ADGRV1: variants seen among roughly 807,000 people sequenced by gnomAD.
ADGRV1 encodes G-protein coupled receptor 98.
In ADGRV1, 359 loss-of-function variants were observed where a neutral mutation model predicts 596.2. That is an observed-to-expected ratio of 0.60 (90% CI 0.55 to 0.66). ADGRV1 has a LOEUF of 0.66. Among genes scored for constraint, ADGRV1 ranks in the 30% least tolerant of loss-of-function variants. The pLI is 0.00. For synonymous variants in ADGRV1, 2,681 were observed against 2,679.2 expected (o/e 1.00, Z -0.02); for missense variants, 7,274 against 7,575.6 (o/e 0.96, Z 1.48).
intron 85 of ADGRV1, among the ~76,000 whole-genome samples, chr5:91,054,740 C>G (rs910783616): frequency 1.3e-5 from 2 of 152,168 alleles, no homozygotes; most frequent in Admixed American, 1.3e-4. Context: ...CCCCAAAGCC[C>G]TTCCTCCTAA....
intron 84 of ADGRV1, 124 bp from the exon 85 acceptor site, chr5:90,985,219 AT>A: frequency 1.8e-6 from 1 of 546,308 alleles, no homozygotes; most frequent in Non-Finnish European, 3.0e-6. Context: ...ACTTAAAAAA[AT>A]CAAAACTAAT....
intron 85 of ADGRV1, among the ~76,000 whole-genome samples, chr5:91,019,939 T>G (rs181428975): frequency 6.6e-6 from 1 of 152,022 alleles, no homozygotes; most frequent in Non-Finnish European, 1.5e-5. Flanking sequence ...GCTTTCTCCC[T>G]GTATAATTGT....
intron 53 of ADGRV1, among the ~76,000 whole-genome samples, chr5:90,752,618 A>G (rs1007226420): frequency 8.5e-5 from 13 of 152,226 alleles, no homozygotes; most frequent in Non-Finnish European, 1.9e-4. Flanking sequence ...ATGTCCCTGC[A>G]AAAGACATGA....
At chr5:91,072,696 T>C in intron 86 of ADGRV1, 92 bp downstream of exon 86, 27 of 1,318,920 alleles carry the variant, frequency 2.0e-5, no homozygotes, top group Non-Finnish European at 2.8e-5. Context: ...AAGAGGGAAG[T>C]TCGGCTCATC....
intron 87 of ADGRV1, among the ~76,000 whole-genome samples, chr5:91,128,686 G>A (rs1793964753): frequency 6.6e-6 from 1 of 152,180 alleles, no homozygotes; most frequent in Non-Finnish European, 1.5e-5. Context: ...AATAGCATGG[G>A]TGGCAGGGGG....
At chr5:90,984,872 C>T (rs921147436) in intron 84 of ADGRV1, among the ~76,000 whole-genome samples, 3 of 152,172 alleles carry the variant, frequency 2.0e-5, no homozygotes, top group African/African-American at 4.8e-5. Context: ...TTGTCTTCAA[C>T]GTTATTTCCC....
At chr5:90,576,692 GTCT>G (rs934648754) in intron 1 of ADGRV1, among the ~76,000 whole-genome samples, 6 of 152,198 alleles carry the variant, frequency 3.9e-5, no homozygotes, top group African/African-American at 1.4e-4. Context: ...TCGCCACATT[GTCT>G]TCCACAATGG....
chr5:90,799,529 A>G (rs964746978), intron 70 of ADGRV1, among the ~76,000 whole-genome samples: 2 of 152,228 alleles, frequency 1.3e-5, no homozygotes, highest in Non-Finnish European at 2.9e-5. Context: ...ATTCAGTGCT[A>G]TCCCCATCAA....
chr5:90,580,250 C>T (rs1034287642), intron 1 of ADGRV1, among the ~76,000 whole-genome samples: 7 of 152,150 alleles, frequency 4.6e-5, no homozygotes, highest in Non-Finnish European at 8.8e-5. Context: ...TGGCTGGTAC[C>T]GATTGTTCCT....
chr5:90,612,977 A>G (rs1383866890), intron 1 of ADGRV1, among the ~76,000 whole-genome samples: 1 of 152,096 alleles, frequency 6.6e-6, no homozygotes, highest in Non-Finnish European at 1.5e-5. Flanking sequence ...CTTTAGACTC[A>G]CTGAATCAGA....
chr5:90,756,466 G>C lies in ADGRV1; in HGVS notation c.11593G>C (p.Glu3865Gln), dbSNP rs1755841853. Residue 3865 changes from glutamate to glutamine, a missense_variant, in exon 56 of 90, where the codon GAA becomes CAA. By Grantham distance (29) the Glu-to-Gln change is conservative. Transcript: ENST00000405460. ...EVSILPDDLP[E>Q]LEEGFIVTIT... ...CCCCATCCCCCAGGATGACCTTCCT[G>C]AATTGGAGGAAGGATTTATTGTCAC... 1 of 1,529,106 alleles carries C rather than the reference G, an allele frequency of 6.5e-7. No individual in the cohort carries two copies. The highest frequency in any genetic ancestry group is 8.8e-7 in the Non-Finnish European group (1 of 1,136,100). 94.7% of individuals were successfully genotyped at this position (1,529,106 alleles called of 1,614,324 possible).
rs756976267 is a variant in ADGRV1 at position 91,153,264 on chromosome 5, A to C, written c.18668A>C (p.Gln6223Pro). Residue 6223 changes from glutamine to proline, a missense_variant, in exon 89 of 90, where the codon CAG (glutamine) becomes CCG (proline). By Grantham distance (76) the Gln-to-Pro change is moderately conservative. Coordinates refer to ENST00000405460, the MANE Select transcript of ADGRV1 (RefSeq NM_032119.4). ...WERASFQQGSQASPDLKPSPQ... is the reference protein window; with the variant it reads ...WERASFQQGSPASPDLKPSPQ... ...AGAGCATCCTTCCAACAGGGCAGTC[A>C]GGCCAGCCCTGATTTAAAGCCAAGT... 4 of 1,609,142 alleles carry C rather than the reference A, an allele frequency of 2.5e-6. No homozygotes were observed. The highest frequency in any genetic ancestry group is 3.4e-6 in the Non-Finnish European group (4 of 1,177,668).
At chr5:90,990,703 A>C (rs1031021084) in intron 85 of ADGRV1, among the ~76,000 whole-genome samples, 4 of 152,214 alleles carry the variant, frequency 2.6e-5, no homozygotes, top group South Asian at 2.1e-4. Context: ...AATGCTTCCA[A>C]CTTCTTTTCT....
At chr5:90,577,596 G>A (rs1003096385) in intron 1 of ADGRV1, among the ~76,000 whole-genome samples, 2 of 152,296 alleles carry the variant, frequency 1.3e-5, no homozygotes, top group South Asian at 4.2e-4. Flanking sequence ...TCTTGACAAT[G>A]TGGGCTCTTT....
chr5:90,703,207 T>C (rs149187812), intron 34 of ADGRV1, among the ~76,000 whole-genome samples: 2 of 152,228 alleles, frequency 1.3e-5, no homozygotes, highest in East Asian at 1.9e-4. Flanking sequence ...ACTAAAGAAA[T>C]GTGATTTTCA....
chr5:91,023,095 C>T (rs1264698839), intron 85 of ADGRV1, among the ~76,000 whole-genome samples: 1 of 152,032 alleles, frequency 6.6e-6, no homozygotes, highest in Non-Finnish European at 1.5e-5. Context: ...TTGAAGATAC[C>T]ACAGATAAAA....
chr5:91,009,760 A>G (rs926317311), intron 85 of ADGRV1, among the ~76,000 whole-genome samples: 8 of 152,128 alleles, frequency 5.3e-5, no homozygotes, highest in African/African-American at 1.7e-4. Context: ...TTTATAAAAT[A>G]GTACTAATTC....
chr5:90,825,146 T>C (rs2244265), intron 76 of ADGRV1, among the ~76,000 whole-genome samples: 122,785 of 152,118 alleles, frequency 0.81, 53,800 homozygotes, highest in East Asian at 1. Flanking sequence ...CCTGTTGGCC[T>C]GGCTAGTCTG....
At position 90,778,854 on chromosome 5, in the gene ADGRV1, AT is replaced by A. The variant is rs1468281147; in HGVS notation, c.12850-7del. The A allele has an allele frequency of 6.3e-7, 1 of 1,596,082 alleles. No individual in the cohort carries two copies. The highest frequency in any genetic ancestry group is 2.2e-5 in the East Asian group (1 of 44,582). On this transcript the variant is annotated splice_polypyrimidine_tract_variant and intron_variant, in intron 63 of 89. Transcript: ENST00000405460. ...ACATCCAAATCAAATAAGAAAATGC[AT>A]TTTGCATAGGTTAACATCACAATCA...
Sources: gnomAD v4.1 joint callset for allele counts (sites outside exome capture counted in the v4.1 genomes callset) on GRCh38, gnomAD v4.1.1 for gene constraint, MANE v1.5 for transcripts, NCBI Gene and HGNC (gene_info 2026-07-23, HGNC 2026-07-21) for gene names.